CENPQ: variants seen among roughly 807,000 people sequenced by gnomAD.
CENPQ encodes the protein chromosome 6 open reading frame 139.
CENPQ carries 27 observed loss-of-function variants against 36.6 expected under a neutral mutation model. That is an observed-to-expected ratio of 0.74 (90% CI 0.54 to 1.02). The LOEUF (loss-of-function observed/expected upper bound fraction) is 1.02, where lower values mean the gene tolerates loss of function less well. Among genes scored for constraint, CENPQ ranks in the 50% least tolerant of loss-of-function variants. The pLI is 0.00. For synonymous variants in CENPQ, 101 were observed against 101.7 expected (o/e 0.99, Z 0.04); for missense variants, 306 against 301.8 (o/e 1.01, Z -0.10).
chr6:49,481,026 G>A lies in CENPQ; in HGVS notation c.423G>A (p.Leu141=), dbSNP rs1019072839. Reference sequence around the variant, plus strand: ...ATTTAACTAATGTATCAAGTCTACTGAATATGGAAAGGGCACGAGACAAAG... The same window carrying A: ...ATTTAACTAATGTATCAAGTCTACTAAATATGGAAAGGGCACGAGACAAAG... The part of the protein sequence containing the change: ...MEDLTNVSSL[L]NMERARDKAN... The change falls in exon 6 of 9, where the codon CTG becomes CTA. Residue 141 remains leucine, a synonymous_variant. Coordinates refer to ENST00000335783, the MANE Select transcript of CENPQ (RefSeq NM_018132.4). 1.2e-5 allele frequency: 20 copies of A among 1,611,564 alleles called. No homozygotes were observed. The highest frequency in any genetic ancestry group is 1.6e-5 in the Non-Finnish European group (19 of 1,178,938).
intron 5 of CENPQ, among the ~76,000 whole-genome samples, chr6:49,475,262 C>A (rs951297349): frequency 6.6e-6 from 1 of 152,098 alleles, no homozygotes; most frequent in African/African-American, 2.4e-5. Flanking sequence ...CCCTGGGATG[C>A]AAGTCTGGTT....
chr6:49,492,015 G>A (rs768795144), intron 8 of CENPQ, 129 bp from the exon 9 acceptor site: 18 of 676,356 alleles, frequency 2.7e-5, no homozygotes, highest in Non-Finnish European at 3.4e-5. Context: ...GAAGAATGGC[G>A]ATTCGTTGAC....
rs1768647860 is a variant in CENPQ at position 49,488,638 on chromosome 6, CTCTT to C, written c.630_633del (p.Leu211ArgfsTer20). On this transcript the variant is annotated frameshift_variant, in exon 8 of 9. Transcript: ENST00000335783. LOFTEE classifies it high-confidence loss of function. ...CAAATAAATAGTAGTGGAGTACTCT[CTCTT>C]CCGGAACTTTCTCAGAAAACTCTCA... 6.2e-7 allele frequency: 1 copy of C among 1,613,564 alleles called. No individual in the cohort carries two copies. The highest frequency in any genetic ancestry group is 1.7e-5 in the Admixed American group (1 of 60,002).
chr6:49,488,327 TG>T (rs773300924), intron 6 of CENPQ, 24 bp from the exon 7 acceptor site: 59 of 1,543,280 alleles, frequency 3.8e-5, no homozygotes, highest in African/African-American at 6.9e-5. Context: ...TAAGTTAAAA[TG>T]TTTTTTTTCT....
intron 1 of CENPQ, among the ~76,000 whole-genome samples, chr6:49,469,900 A>G (rs1768085909): frequency 2.0e-5 from 3 of 152,170 alleles, no homozygotes; most frequent in African/African-American, 4.8e-5. Flanking sequence ...TAAAATCCAT[A>G]CAAACGGAAG....
chr6:49,468,640 G>A (rs1768059811), intron 1 of CENPQ, among the ~76,000 whole-genome samples: 1 of 152,116 alleles, frequency 6.6e-6, no homozygotes, highest in Non-Finnish European at 1.5e-5. Flanking sequence ...AAAGTTGCCA[G>A]TCTCTTCATG....
intron 3 of CENPQ, 35 bp from the exon 4 acceptor site, chr6:49,472,028 A>G (rs2127424178): frequency 6.4e-7 from 1 of 1,574,258 alleles, no homozygotes; most frequent in Non-Finnish European, 8.6e-7. Flanking sequence ...TAAAACATCT[A>G]GATTGATCAG....
chr6:49,471,501 G>T (rs1487724730), intron 3 of CENPQ, among the ~76,000 whole-genome samples: 1 of 152,050 alleles, frequency 6.6e-6, no homozygotes, highest in Non-Finnish European at 1.5e-5. Flanking sequence ...AGGTCCTCTG[G>T]TTTTATACTG....
At chr6:49,487,089 G>T (rs985104003) in intron 6 of CENPQ, among the ~76,000 whole-genome samples, 4 of 3,000 alleles carry the variant, frequency 1.3e-3, no homozygotes, top group African/African-American at 4.7e-3. Flanking sequence ...GGAGGCAGAG[G>T]TTGCAGTGAG....
Position 49,492,011 on chromosome 6 carries a change from T to C in CENPQ, c.676-133T>C, listed in dbSNP as rs1003836353. The stretch of plus-strand genomic sequence containing the variant: ...GGGAGAGATAGATTTGAAAGAAGAA[T>C]GGCGATTCGTTGACAATTATTGAAG... On this transcript the variant is annotated intron_variant, in intron 8 of 8. Transcript: ENST00000335783. 1.4e-5 allele frequency: 9 copies of C among 658,904 alleles called. No individual in the cohort carries two copies. The African/African-American group carries it at 1.5e-4, about 11-fold the overall frequency. The allele number at this position is 658,904 out of a possible 1,614,324, so 40.8% of individuals were successfully genotyped here. A position where few individuals can be genotyped will look rare whatever the true frequency, so the allele number is the denominator to read the frequency against.
chr6:49,480,931 G>T lies in CENPQ; in HGVS notation c.348-20G>T. On this transcript the variant is annotated intron_variant, in intron 5 of 8. Coordinates refer to ENST00000335783, the MANE Select transcript of CENPQ (RefSeq NM_018132.4). ...GTACTCAAAAATAAACAAAATAATT[G>T]TTTTTATTTTATCCTTAAGATTGCT... 1.3e-6 allele frequency: 2 copies of T among 1,528,612 alleles called. No homozygotes were observed. Among genetic ancestry groups the T allele is most frequent in the Non-Finnish European group, 8.8e-7 (1 of 1,131,828 alleles). The allele number at this position is 1,528,612 out of a possible 1,614,324, so 94.7% of individuals were successfully genotyped here. A position where few individuals can be genotyped will look rare whatever the true frequency, so the allele number is the denominator to read the frequency against.
At chr6:49,464,304 T>C (rs1767944562) in intron 1 of CENPQ, among the ~76,000 whole-genome samples, 1 of 152,194 alleles carries the variant, frequency 6.6e-6, no homozygotes, top group Admixed American at 6.5e-5. Flanking sequence ...TAAAATATTT[T>C]ATTGCTAAAA....
At chr6:49,487,873 T>G (rs1314305248) in intron 6 of CENPQ, among the ~76,000 whole-genome samples, 6 of 152,212 alleles carry the variant, frequency 3.9e-5, no homozygotes, top group Admixed American at 6.5e-5. Flanking sequence ...ACTCTTTTTT[T>G]TTATTCTCCC....
At chr6:49,465,182 G>A (rs986467087) in intron 1 of CENPQ, among the ~76,000 whole-genome samples, 9 of 152,204 alleles carry the variant, frequency 5.9e-5, no homozygotes, top group Non-Finnish European at 1.0e-4. Flanking sequence ...GACCAAGTAC[G>A]TGGTCATTGA....
intron 7 of CENPQ, 42 bp from the exon 8 acceptor site, chr6:49,488,565 A>G: frequency 6.3e-7 from 1 of 1,598,654 alleles, no homozygotes; most frequent in Non-Finnish European, 8.6e-7. Flanking sequence ...TGATGAGAGA[A>G]ATCAGCTTTT....
chr6:49,475,382 G>A (rs887032889), intron 5 of CENPQ, among the ~76,000 whole-genome samples: 41 of 152,092 alleles, frequency 2.7e-4, no homozygotes, highest in African/African-American at 9.4e-4. Context: ...AACCCTTCAT[G>A]CTAAAAACTC....
intron 1 of CENPQ, among the ~76,000 whole-genome samples, chr6:49,469,610 A>G (rs1210683827): frequency 1.3e-5 from 2 of 152,216 alleles, no homozygotes; most frequent in Non-Finnish European, 2.9e-5. Context: ...CATAGCCCAG[A>G]TAGGATTGCA....
At position 49,492,341 on chromosome 6, in the gene CENPQ, C is replaced by G; in HGVS notation, c.*66C>G. On this transcript the variant is annotated 3_prime_UTR_variant, in exon 9 of 9. Coordinates refer to ENST00000335783, the MANE Select transcript of CENPQ (RefSeq NM_018132.4). ...TTCGTGAATTTGTAAAACTGTTAAC[C>G]TATGATTATATGTACAGAGGCTAAG... The G allele has an allele frequency of 1.4e-6, 2 of 1,392,762 alleles. No homozygotes were observed. Among genetic ancestry groups the G allele is most frequent in the Non-Finnish European group, 9.7e-7 (1 of 1,030,176 alleles). 86.3% of individuals were successfully genotyped at this position (1,392,762 alleles called of 1,614,324 possible). A position where few individuals can be genotyped will look rare whatever the true frequency, so the allele number is the denominator to read the frequency against.
At chr6:49,472,571 G>A (rs1214815628) in intron 4 of CENPQ, among the ~76,000 whole-genome samples, 1 of 152,214 alleles carries the variant, frequency 6.6e-6, no homozygotes. Context: ...GAAGAGCCAG[G>A]CATGTAACTT....
Sources: allele counts gnomAD v4.1 joint callset (sites outside exome capture counted in the v4.1 genomes callset), GRCh38; gene constraint gnomAD v4.1.1; transcripts MANE v1.5; gene names NCBI Gene and HGNC (gene_info 2026-07-23, HGNC 2026-07-21).